Variants in LUC7L2 observed in about 807,000 individuals in gnomAD.
The protein encoded by LUC7L2 is LUC7 like 2, pre-mRNA splicing factor.
In LUC7L2, 25 loss-of-function variants were observed where a neutral mutation model predicts 52.8. The ratio of observed to expected loss-of-function variants is 0.47; its 90% confidence interval spans 0.34 to 0.66. The LOEUF is 0.66. Among genes scored for constraint, LUC7L2 ranks in the 30% least tolerant of loss-of-function variants. The pLI is 0.01. For missense variants in LUC7L2, 328 were observed against 497.8 expected (o/e 0.66, Z 3.25); for synonymous variants, 144 against 160.9 (o/e 0.89, Z 0.80).
At chr7:139,392,098 A>G (rs886335559) in intron 2 of LUC7L2, among the ~76,000 whole-genome samples, 2 of 152,200 alleles carry the variant, frequency 1.3e-5, no homozygotes, top group African/African-American at 2.4e-5. Flanking sequence ...CTGTATGGCT[A>G]TTCCATAGCT....
chr7:139,359,669 G>T (rs1446649983), upstream of LUC7L2: 12 of 397,856 alleles, frequency 3.0e-5, no homozygotes, highest in Middle Eastern at 1.9e-3. Flanking sequence ...AGCCGGGAGG[G>T]AATGTAATGT....
In LUC7L2 at chr7:139,340,518, G is replaced by C. The variant is rs1563245275; in HGVS notation, c.-26+1G>C. 1.0e-5 allele frequency: 4 copies of C among 398,544 alleles called. No homozygotes were observed. In the East Asian group the frequency reaches 1.4e-4, roughly 14 times the overall value. The allele number at this position is 398,544 out of a possible 1,614,324, so 24.7% of individuals were successfully genotyped here. A position where few individuals can be genotyped will look rare whatever the true frequency, so the allele number is the denominator to read the frequency against. Reference sequence around the variant, plus strand: ...CCGGAGCATCGGTGCAGTTTCGAGGGTAAAGCCTTTGGCGCGGTGATGTGG... The same window carrying C: ...CCGGAGCATCGGTGCAGTTTCGAGGCTAAAGCCTTTGGCGCGGTGATGTGG... On this transcript the variant is annotated splice_donor_variant, in intron 1 of 10. Transcript: ENST00000541170. LOFTEE classifies it low-confidence loss of function (5UTR_SPLICE).
Position 139,412,542 on chromosome 7 carries a change from T to C in LUC7L2, c.780-9T>C, listed in dbSNP as rs1381968470. On this transcript the variant is annotated splice_polypyrimidine_tract_variant and intron_variant, in intron 7 of 9. Transcript: ENST00000354926. ...CACTTTTCTAAAAATACATATTTTT[T>C]TTTTTTAGGTCCCGATCACACAGCA... is the stretch of plus-strand genomic sequence containing the variant. 3 of 1,602,568 alleles carry C rather than the reference T, an allele frequency of 1.9e-6. No homozygotes were observed. In the East Asian group the frequency reaches 6.7e-5, roughly 36 times the overall value.
At chr7:139,398,758 G>T in intron 3 of LUC7L2, 61 bp downstream of exon 3, 1 of 1,500,164 alleles carries the variant, frequency 6.7e-7, no homozygotes, top group Admixed American at 1.9e-5. Flanking sequence ...TGTGAATGTG[G>T]ATTAAGATCT....
chr7:139,347,139 A>C (rs1257828295), intron 1 of LUC7L2, among the ~76,000 whole-genome samples: 2 of 152,150 alleles, frequency 1.3e-5, no homozygotes, highest in Non-Finnish European at 2.9e-5. Flanking sequence ...TTCTTCTGGT[A>C]GGTAGATAAC....
At position 139,360,097 on chromosome 7, in the gene LUC7L2, C is replaced by G. The variant is rs1407761322; in HGVS notation, c.-165C>G. ...TACACGTCGTCGTGAGGAGCGCAGT[C>G]CGGACTCTTCCCGCAACCCCTCCGG... is the stretch of plus-strand genomic sequence containing the variant. On this transcript the variant is annotated 5_prime_UTR_variant, in exon 1 of 10. Transcript: ENST00000354926. The G allele has an allele frequency of 1.7e-6, 1 of 583,382 alleles. No individual in the cohort carries two copies. Among genetic ancestry groups the G allele is most frequent in the Non-Finnish European group, 3.0e-6 (1 of 330,674 alleles). The allele number at this position is 583,382 out of a possible 1,614,324, so 36.1% of individuals were successfully genotyped here.
upstream of LUC7L2, among the ~76,000 whole-genome samples, chr7:139,358,311 A>T (rs760713625): frequency 3.9e-5 from 6 of 152,210 alleles, no homozygotes; most frequent in Non-Finnish European, 8.8e-5. Context: ...CCCAGCCGCA[A>T]TATACATTTA....
intron 1 of LUC7L2, among the ~76,000 whole-genome samples, chr7:139,341,721 G>T (rs544723571): frequency 6.6e-6 from 1 of 152,220 alleles, no homozygotes; most frequent in Non-Finnish European, 1.5e-5. Context: ...ACCAGCGGGG[G>T]GGGGCGCAGA....
At chr7:139,416,252 T>C (rs1216623930) in intron 8 of LUC7L2, 1 of 151,594 alleles carries the variant, frequency 6.6e-6, no homozygotes, top group Admixed American at 6.6e-5. Context: ...GTCCTCTCCA[T>C]GCCATTTCCA....
Position 139,400,165 on chromosome 7 carries a change from C to T in LUC7L2, c.255+1468C>T, listed in dbSNP as rs184141985. ...GGGGGTATTTTTATATTTATATCTT[C>T]TGATTTATCAGTCTTTAACAAATCT... On this transcript the variant is annotated intron_variant, in intron 3 of 9. Coordinates refer to ENST00000354926, the MANE Select transcript of LUC7L2 (RefSeq NM_016019.5). 8.2e-4 allele frequency among the ~76,000 whole-genome samples: 125 copies of T among 152,118 alleles called. 3 individuals are homozygous for T. The highest frequency in any genetic ancestry group is 2.8e-3 in the African/African-American group (117 of 41,456).
intron 7 of LUC7L2, among the ~76,000 whole-genome samples, chr7:139,410,965 A>G (rs902445374): frequency 1.3e-5 from 2 of 152,098 alleles, no homozygotes; most frequent in Admixed American, 6.6e-5. Flanking sequence ...AGATTTCTTC[A>G]TTTACTGTAA....
At chr7:139,407,441 G>A (rs1214662645) in intron 6 of LUC7L2, 91 bp downstream of exon 6, 10 of 1,391,418 alleles carry the variant, frequency 7.2e-6, no homozygotes, top group African/African-American at 1.4e-5. Context: ...CTATGATTCA[G>A]TAATATAGTA....
chr7:139,421,530 T>A (rs566683525), intron 9 of LUC7L2, among the ~76,000 whole-genome samples: 179 of 152,338 alleles, frequency 1.2e-3, no homozygotes, highest in African/African-American at 4.2e-3. Flanking sequence ...CATCTTTGTC[T>A]TTTTTTATTT....
intron 2 of LUC7L2, among the ~76,000 whole-genome samples, chr7:139,382,426 A>C (rs1042355438): frequency 1.3e-5 from 2 of 152,158 alleles, no homozygotes; most frequent in Non-Finnish European, 2.9e-5. Flanking sequence ...CCTGTCACCC[A>C]GGCTGGAGTG....
At chr7:139,381,359 ATTTTATTTTATTTTATTTTTATTTTATT>A (rs1467130200) in intron 2 of LUC7L2, among the ~76,000 whole-genome samples, 19 of 92,548 alleles carry the variant, frequency 2.1e-4, no homozygotes, top group South Asian at 6.3e-4. Context: ...TACATATTTT[ATTTTATTTTATTTTATTTTTATTTTATT>A]TTTTATTTTA....
intron 1 of LUC7L2, among the ~76,000 whole-genome samples, chr7:139,343,034 G>C (rs112973414): frequency 7.2e-5 from 11 of 152,308 alleles, no homozygotes; most frequent in African/African-American, 2.6e-4. Context: ...GGAAAATACA[G>C]TGTTCTATTT....
chr7:139,415,573 C>CTTTTT (rs376954972), intron 8 of LUC7L2, among the ~76,000 whole-genome samples: 3 of 116,176 alleles, frequency 2.6e-5, no homozygotes, highest in South Asian at 2.8e-4. Flanking sequence ...GGAAATAACG[C>CTTTTT]TTTTTTTTTT....
intron 4 of LUC7L2, among the ~76,000 whole-genome samples, chr7:139,403,511 A>C (rs142749814): frequency 2.0e-5 from 3 of 152,138 alleles, no homozygotes; most frequent in African/African-American, 4.8e-5. Flanking sequence ...CTTTTAGTCA[A>C]CCTTTTCTGA....
chr7:139,390,132 G>A (rs10156073), intron 2 of LUC7L2, among the ~76,000 whole-genome samples: 2 of 152,112 alleles, frequency 1.3e-5, no homozygotes, highest in East Asian at 3.9e-4. Flanking sequence ...CAGGTTGGAA[G>A]GTCAGAGAGT....
Sources: allele counts gnomAD v4.1 joint callset (sites outside exome capture counted in the v4.1 genomes callset), GRCh38; gene constraint gnomAD v4.1.1; transcripts MANE v1.5; gene names NCBI Gene and HGNC (gene_info 2026-07-23, HGNC 2026-07-21).